DROSHA: variants seen among roughly 807,000 people sequenced by gnomAD.
The protein encoded by DROSHA is ribonuclease 3.
In DROSHA, 56 loss-of-function variants were observed where a neutral mutation model predicts 181.9. The ratio of observed to expected loss-of-function variants is 0.31; its 90% CI spans 0.25 to 0.38. DROSHA has a LOEUF of 0.38. Among genes scored for constraint, DROSHA ranks in the 10% least tolerant of loss-of-function variants. DROSHA has a pLI of 1.00. For synonymous variants in DROSHA, 524 were observed against 591.2 expected, an observed-to-expected ratio of 0.89 and a Z score of 1.65; for missense variants, 1,218 against 1,743.5, an observed-to-expected ratio of 0.70 and a Z score of 5.37.
intron 5 of DROSHA, among the ~76,000 whole-genome samples, chr5:31,525,505 A>C (rs887684400): frequency 4.5e-5 from 5 of 111,140 alleles, no homozygotes; most frequent in Admixed American, 2.4e-4. Flanking sequence ...TTCTGTCACA[A>C]AAAAAAAAAA....
chr5:31,445,630 A>G (rs543688965), intron 23 of DROSHA, among the ~76,000 whole-genome samples: 1 of 151,876 alleles, frequency 6.6e-6, no homozygotes, highest in African/African-American at 2.4e-5. Context: ...CATCCCAGGA[A>G]AGCCAGGTTG....
chr5:31,484,687 T>C (rs544370860), intron 15 of DROSHA, among the ~76,000 whole-genome samples, 194 bp downstream of exon 15: 9 of 152,320 alleles, frequency 5.9e-5, no homozygotes, highest in African/African-American at 1.9e-4. Context: ...CCTGTCAAAC[T>C]GTATAAAGTA....
chr5:31,408,977 C>T, intron 33 of DROSHA, 79 bp downstream of exon 33: 1 of 1,322,952 alleles, frequency 7.6e-7, no homozygotes, highest in Non-Finnish European at 1.1e-6. Context: ...CCCACAATGA[C>T]TCATTCTTCA....
At chr5:31,516,046 A>T (rs1234539615) in intron 6 of DROSHA, among the ~76,000 whole-genome samples, 1 of 152,168 alleles carries the variant, frequency 6.6e-6, no homozygotes, top group East Asian at 1.9e-4. Context: ...ACTTAAGCCC[A>T]GGGGTTCCAG....
chr5:31,495,419 C>T (rs1471429811), intron 11 of DROSHA, 47 bp from the exon 12 acceptor site: 4 of 1,529,298 alleles, frequency 2.6e-6, no homozygotes, highest in Non-Finnish European at 3.6e-6. Context: ...AGCAAGAGTA[C>T]TTTTACTTAA....
intron 20 of DROSHA, among the ~76,000 whole-genome samples, chr5:31,455,089 GA>G (rs1329895556): frequency 6.6e-6 from 1 of 151,834 alleles, no homozygotes; most frequent in African/African-American, 2.4e-5. Flanking sequence ...AGGAAGATTT[GA>G]AAAGAAGTGA....
intron 29 of DROSHA, among the ~76,000 whole-genome samples, 191 bp downstream of exon 29, chr5:31,422,596 T>C (rs1742899952): frequency 6.6e-6 from 1 of 152,220 alleles, no homozygotes; most frequent in Non-Finnish European, 1.5e-5. Context: ...TGCATGACAA[T>C]GGAACCAACA....
chr5:31,472,475 T>G (rs923955462), intron 16 of DROSHA, among the ~76,000 whole-genome samples: 1 of 152,184 alleles, frequency 6.6e-6, no homozygotes, highest in African/African-American at 2.4e-5. Flanking sequence ...TTATAAATGA[T>G]AAAAGGCTCC....
chr5:31,448,514 T>C, intron 23 of DROSHA, 33 bp downstream of exon 23: 2 of 1,572,538 alleles, frequency 1.3e-6, no homozygotes, highest in South Asian at 1.1e-5. Context: ...GAATTATATA[T>C]CAATCAGGTT....
At position 31,511,931 on chromosome 5, in the gene DROSHA, GCA is replaced by G. The variant is rs140148677; in HGVS notation, c.1291-757_1291-756del. ...CCCTCTCTCTCTCTCTCACACACAC[GCA>G]CACACACACACACACACTCTCATGC... On this transcript the variant is annotated intron_variant, in intron 8 of 35. Transcript: ENST00000344624. Among the ~76,000 whole-genome samples the G allele has an allele frequency of 3.3e-3, 481 of 145,162 alleles. 2 individuals are homozygous for G. Among genetic ancestry groups the G allele is most frequent in the African/African-American group, 0.011 (414 of 39,096 alleles).
intron 6 of DROSHA, among the ~76,000 whole-genome samples, chr5:31,518,319 G>A (rs1464946138): frequency 6.6e-6 from 1 of 152,180 alleles, no homozygotes; most frequent in Non-Finnish European, 1.5e-5. Flanking sequence ...ACTATATTGT[G>A]AAGAAAACTG....
intron 25 of DROSHA, among the ~76,000 whole-genome samples, chr5:31,433,798 G>A (rs544658333): frequency 7.9e-5 from 12 of 152,012 alleles, no homozygotes; most frequent in South Asian, 4.2e-4. Flanking sequence ...TGCCTGCCTC[G>A]GCTTACCTCC....
intron 16 of DROSHA, among the ~76,000 whole-genome samples, chr5:31,475,583 T>C (rs1750270739): frequency 6.6e-6 from 1 of 152,112 alleles, no homozygotes; most frequent in Admixed American, 6.5e-5. Flanking sequence ...CTAGAGAACC[T>C]TGGAAAGAAC....
At chr5:31,458,583 C>T (rs567416010) in intron 20 of DROSHA, among the ~76,000 whole-genome samples, 6 of 152,282 alleles carry the variant, frequency 3.9e-5, no homozygotes, top group South Asian at 2.1e-4. Context: ...GTCCTCACCA[C>T]CAGCTATGAA....
intron 30 of DROSHA, among the ~76,000 whole-genome samples, chr5:31,419,957 T>G (rs1432066566): frequency 1.3e-5 from 2 of 152,200 alleles, no homozygotes; most frequent in East Asian, 3.9e-4. Context: ...AACTGTTAAC[T>G]TTAAATGGTA....
In DROSHA at chr5:31,409,478, C is replaced by T; in HGVS notation, c.3668-146G>A. On this transcript the variant is annotated intron_variant, in intron 31 of 35. Coordinates refer to ENST00000344624, the MANE Select transcript of DROSHA (RefSeq NM_001382508.1). This position sits in a 1 kb window ranked among gnomAD's most constrained non-coding sequence, Gnocchi z 4.0. ...TTTTCAGTGCTACCATTTCATCTTCCCCCACTTTTTATCATTAATATCAGA... is the reference window on the plus strand; with the variant it reads ...TTTTCAGTGCTACCATTTCATCTTCTCCCACTTTTTATCATTAATATCAGA... The T allele has an allele frequency of 3.0e-6, 2 of 673,712 alleles. No homozygotes were observed. The highest frequency in any genetic ancestry group is 2.5e-6 in the Non-Finnish European group (1 of 395,736). The allele number at this position is 673,712 out of a possible 1,614,324, so 41.7% of individuals were successfully genotyped here.
At chr5:31,404,421 C>A (rs181704114) in intron 35 of DROSHA, among the ~76,000 whole-genome samples, 363 of 152,284 alleles carry the variant, frequency 2.4e-3, no homozygotes, top group Non-Finnish European at 4.5e-3. Flanking sequence ...CCACTAAACT[C>A]CCTGCCCCTG....
At chr5:31,458,463 T>C (rs1747940396) in intron 20 of DROSHA, among the ~76,000 whole-genome samples, 1 of 152,218 alleles carries the variant, frequency 6.6e-6, no homozygotes, top group Admixed American at 6.5e-5. Flanking sequence ...TTTCCAAAAG[T>C]ATTTTAAGTA....
chr5:31,508,879 A>G, intron 9 of DROSHA, 104 bp from the exon 10 acceptor site: 1 of 1,323,140 alleles, frequency 7.6e-7, no homozygotes, highest in South Asian at 1.5e-5. Flanking sequence ...GCTGGAGTGC[A>G]GTGCGCGATC....
Sources: allele counts gnomAD v4.1 joint callset (sites outside exome capture counted in the v4.1 genomes callset), GRCh38; gene constraint gnomAD v4.1.1; non-coding constraint Gnocchi (gnomAD v3.1); transcripts MANE v1.5; gene names NCBI Gene and HGNC (gene_info 2026-07-23, HGNC 2026-07-21).